The following CADPS2 variants were observed in gnomAD, a reference collection of about 807,000 sequenced individuals.
CADPS2 encodes calcium dependent secretion activator 2.
CADPS2 carries 93 observed loss-of-function variants against 172.5 expected under a neutral mutation model. That is an observed-to-expected ratio of 0.54 (90% CI 0.46 to 0.64). The LOEUF (loss-of-function observed/expected upper bound fraction) is 0.64, where lower values mean the gene tolerates loss of function less well. Ranked by LOEUF, CADPS2 falls within the 30% of genes least tolerant of loss-of-function variation. The pLI, the probability that CADPS2 is intolerant of heterozygous loss-of-function variation, is 0.00. For missense variants in CADPS2, 1,420 were observed against 1,565.9 expected, an observed-to-expected ratio of 0.91 and a Z score of 1.57; for synonymous variants, 546 against 555.2, an observed-to-expected ratio of 0.98 and a Z score of 0.23.
chr7:122,552,788 T>TA (rs1563680567), intron 8 of CADPS2, among the ~76,000 whole-genome samples: 2 of 151,484 alleles, frequency 1.3e-5, no homozygotes, highest in African/African-American at 4.9e-5. Context: ...TTTTTTTTTT[T>TA]TTTTTATTAT....
chr7:122,568,934 G>C (rs192620992), intron 7 of CADPS2, among the ~76,000 whole-genome samples: 153 of 152,222 alleles, frequency 1.0e-3, no homozygotes, highest in African/African-American at 3.1e-3. Flanking sequence ...ATATTGAATG[G>C]GCAAAAACTG....
At chr7:122,609,007 G>C (rs2073958898) in intron 6 of CADPS2, among the ~76,000 whole-genome samples, 1 of 152,072 alleles carries the variant, frequency 6.6e-6, no homozygotes, top group Non-Finnish European at 1.5e-5. Flanking sequence ...GGGTAACATA[G>C]TGAGACTTCA....
intron 11 of CADPS2, among the ~76,000 whole-genome samples, chr7:122,488,296 A>T (rs1017613776): frequency 2.0e-5 from 3 of 152,226 alleles, no homozygotes; most frequent in African/African-American, 7.2e-5. Context: ...TTATACTTTG[A>T]TGCCCAATGC....
At chr7:122,359,053 T>C (rs902826376) in intron 27 of CADPS2, among the ~76,000 whole-genome samples, 1 of 152,106 alleles carries the variant, frequency 6.6e-6, no homozygotes, top group African/African-American at 2.4e-5. Flanking sequence ...ATCATGTATG[T>C]CCAGGATCTA....
At chr7:122,775,112 T>C (rs2093834742) in intron 1 of CADPS2, among the ~76,000 whole-genome samples, 2 of 152,338 alleles carry the variant, frequency 1.3e-5, no homozygotes, top group South Asian at 2.1e-4. Context: ...AAAAGTTTTA[T>C]GGAAATTATA....
intron 20 of CADPS2, among the ~76,000 whole-genome samples, chr7:122,396,057 G>A (rs1242306993): frequency 3.3e-5 from 5 of 152,132 alleles, no homozygotes; most frequent in Admixed American, 6.5e-5. Context: ...TGATCCACCC[G>A]CCTCGGCTTC....
chr7:122,875,449 T>C (rs1820960774), intron 1 of CADPS2, among the ~76,000 whole-genome samples: 1 of 152,164 alleles, frequency 6.6e-6, no homozygotes, highest in Admixed American at 6.5e-5. Context: ...ACTAATAAGA[T>C]AATTTAGTCA....
At chr7:122,325,223 G>A (rs533691631) in intron 29 of CADPS2, among the ~76,000 whole-genome samples, 1 of 152,110 alleles carries the variant, frequency 6.6e-6, no homozygotes, top group South Asian at 2.1e-4. Flanking sequence ...CTTCCTTCAG[G>A]TAACTGTGCT....
intron 8 of CADPS2, 139 bp downstream of exon 8, chr7:122,554,411 A>C (rs977823756): frequency 2.5e-6 from 2 of 787,386 alleles, no homozygotes; most frequent in Non-Finnish European, 3.9e-6. Flanking sequence ...ACATTGAGTA[A>C]GATAACTTAC....
intron 1 of CADPS2, among the ~76,000 whole-genome samples, chr7:122,745,263 T>C (rs903616308): frequency 2.0e-5 from 3 of 151,944 alleles, no homozygotes; most frequent in East Asian, 1.9e-4. Flanking sequence ...TCCCACATAA[T>C]TGAAACTTTG....
At chr7:122,481,165 T>C (rs1271386298) in intron 11 of CADPS2, among the ~76,000 whole-genome samples, 1 of 65,910 alleles carries the variant, frequency 1.5e-5, no homozygotes. Context: ...CTTCATTCTT[T>C]TTTTTTTTTT....
chr7:122,441,679 A>G, intron 15 of CADPS2, 104 bp from the exon 16 acceptor site: 1 of 669,440 alleles, frequency 1.5e-6, no homozygotes, highest in Non-Finnish European at 2.4e-6. Flanking sequence ...ACCATGAAAC[A>G]AACAGAAAAT....
chr7:122,633,508 G>A (rs2076774325), intron 3 of CADPS2, among the ~76,000 whole-genome samples: 1 of 152,082 alleles, frequency 6.6e-6, no homozygotes, highest in Non-Finnish European at 1.5e-5. Flanking sequence ...GAATTTTACT[G>A]ATGTATAGAA....
intron 4 of CADPS2, among the ~76,000 whole-genome samples, chr7:122,625,597 C>T (rs2076010495): frequency 6.6e-6 from 1 of 152,020 alleles, no homozygotes; most frequent in African/African-American, 2.4e-5. Context: ...ACACAGAAAC[C>T]CTGTCTGAGT....
chr7:122,471,556 A>G lies in CADPS2; in HGVS notation c.2005T>C (p.Phe669Leu), dbSNP rs774524687. 2.3e-5 allele frequency: 37 copies of G among 1,584,698 alleles called. No homozygotes were observed. In the South Asian group the frequency reaches 3.7e-4, roughly 16 times the overall value. ...AACACAAAGACTTGGCCAGGGCTAA[A>G]CCATCCCTGCAAAATAAAAAAAGAA... Reference protein sequence around the residue: ...LNDSYSCLGWFSPGQVFVLDE... With the variant: ...LNDSYSCLGWLSPGQVFVLDE... The change falls in exon 14 of 30, where the codon TTT becomes CTT. Residue 669 changes from phenylalanine to leucine, a missense_variant. Phe to Leu is a conservative substitution (Grantham distance 22). Coordinates refer to ENST00000449022, the MANE Select transcript of CADPS2 (RefSeq NM_017954.11).
In CADPS2 at chr7:122,648,192, C is replaced by G. The variant is rs947597291; in HGVS notation, c.786+15045G>C. Among the ~76,000 whole-genome samples, 5 of 152,200 alleles carry G rather than the reference C, an allele frequency of 3.3e-5. No individual in the cohort carries two copies. The East Asian group carries it at 9.7e-4, about 30-fold the overall frequency. On this transcript the variant is annotated intron_variant, in intron 3 of 29. Coordinates refer to ENST00000449022, the MANE Select transcript of CADPS2 (RefSeq NM_017954.11). The stretch of plus-strand genomic sequence containing the variant: ...ACTCTCTAGTTCTTCTCCCACCCCA[C>G]TGTTTCTTTCCTCTTGGTACAACCT...
intron 7 of CADPS2, among the ~76,000 whole-genome samples, chr7:122,564,551 C>T (rs1319327256): frequency 6.6e-6 from 1 of 152,102 alleles, no homozygotes; most frequent in Non-Finnish European, 1.5e-5. Flanking sequence ...TCGTGATCCA[C>T]CTACCTCGGA....
chr7:122,407,459 G>A (rs934861698), intron 20 of CADPS2, 81 bp downstream of exon 20: 331 of 1,421,120 alleles, frequency 2.3e-4, no homozygotes, highest in Non-Finnish European at 3.0e-4. Context: ...GCCGGTGTGA[G>A]GGCACAGTAA....
intron 27 of CADPS2, among the ~76,000 whole-genome samples, chr7:122,353,937 T>C (rs993919342): frequency 1.3e-5 from 2 of 152,192 alleles, no homozygotes; most frequent in Non-Finnish European, 2.9e-5. Flanking sequence ...CCTTTACATA[T>C]TGATCAGGGC....
Sources: allele counts gnomAD v4.1 joint callset (sites outside exome capture counted in the v4.1 genomes callset), GRCh38; gene constraint gnomAD v4.1.1; transcripts MANE v1.5; gene names NCBI Gene and HGNC (gene_info 2026-07-23, HGNC 2026-07-21).